The following EEF1D variants were observed in gnomAD, a reference collection of about 807,000 sequenced individuals.
The protein encoded by EEF1D is elongation factor 1-delta.
Under a neutral mutation model 63.9 loss-of-function variants are expected in EEF1D, and 47 were observed. The observed-to-expected ratio is 0.74, with a 90% confidence interval of 0.58 to 0.94. The LOEUF is 0.94. Ranked by LOEUF, EEF1D falls within the 40% of genes least tolerant of loss-of-function variation. The probability of loss-of-function intolerance (pLI) is 0.00; values close to 1 mark genes in which losing one functional copy is unlikely to be tolerated. For synonymous variants in EEF1D, 412 were observed against 386.1 expected, an observed-to-expected ratio of 1.07 and a Z score of -0.79; for missense variants, 907 against 899.0, an observed-to-expected ratio of 1.01 and a Z score of -0.11.
intron 1 of EEF1D, among the ~76,000 whole-genome samples, chr8:143,594,834 CG>C (rs1828530808): frequency 6.6e-6 from 1 of 152,210 alleles, no homozygotes. Flanking sequence ...CCTGAGGAAG[CG>C]GGTCTTTAGG....
rs754708414 is a variant in EEF1D, at chr8:143,589,969, G to T, written c.113C>A (p.Ser38Tyr). Reference protein sequence around the residue: ...YEHEATQAAASAQQLPAEGPA... With the variant: ...YEHEATQAAAYAQQLPAEGPA... The stretch of plus-strand genomic sequence containing the variant: ...CCCCTCGGCTGGCAGCTGCTGGGCG[G>T]AGGCGGCCGCCTGTGTGGCCTCGTG... Residue 38 changes from serine to tyrosine, a missense_variant, in exon 3 of 10, where the codon TCC becomes TAC. Transcript: ENST00000618139. 1.9e-6 allele frequency: 3 copies of T among 1,598,998 alleles called. No individual in the cohort carries two copies. Among genetic ancestry groups the T allele is most frequent in the South Asian group, 1.1e-5 (1 of 91,034 alleles).
In EEF1D at chr8:143,589,043, A is replaced by ACAGGGAGG. The variant is rs1587185457; in HGVS notation, c.1031_1038dup (p.Ser347ProfsTer18). 6.2e-7 allele frequency: 1 copy of ACAGGGAGG among 1,605,366 alleles called. No homozygotes were observed. Among genetic ancestry groups the ACAGGGAGG allele is most frequent in the Non-Finnish European group, 8.5e-7 (1 of 1,179,562 alleles). ...CCAGACCGAGGACCGGGTCGGTGAG[A>ACAGGGAGG]CAGGGAGGCAGCTTCGAGGCACCAG... On this transcript the variant is annotated frameshift_variant, in exon 3 of 10. Coordinates refer to ENST00000618139, the MANE Select transcript of EEF1D (RefSeq NM_001130053.5). LOFTEE classifies it high-confidence loss of function.
intron 1 of EEF1D, chr8:143,596,671 A>T (rs982022302): frequency 2.6e-5 from 4 of 152,300 alleles, no homozygotes; most frequent in Non-Finnish European, 5.9e-5. Flanking sequence ...GCGGTCCTTC[A>T]TTCTGGAAAC....
chr8:143,594,041 C>T, intron 1 of EEF1D: 2 of 416,198 alleles, frequency 4.8e-6, no homozygotes, highest in Non-Finnish European at 6.5e-6. Context: ...CCCTTCGCTC[C>T]TGCAGTTTAT....
At chr8:143,593,602 C>G (rs1021045454) in intron 1 of EEF1D, among the ~76,000 whole-genome samples, 1 of 152,128 alleles carries the variant, frequency 6.6e-6, no homozygotes, top group Admixed American at 6.5e-5. Flanking sequence ...AACTGGGCAC[C>G]CTGCAGGGGT....
rs557348776 is a variant in EEF1D at position 143,589,438 on chromosome 8, G to A, written c.644C>T (p.Pro215Leu). 53 of 1,528,288 alleles carry A rather than the reference G, an allele frequency of 3.5e-5. No individual in the cohort carries two copies. The East Asian group carries it at 3.9e-4, about 11-fold the overall frequency. 94.7% of individuals were successfully genotyped at this position (1,528,288 alleles called of 1,614,324 possible). Reference protein sequence around the residue: ...VPDLAHQPSPPVNGQPPLGSL... With the variant: ...VPDLAHQPSPLVNGQPPLGSL... ...GCCCAGCGGGGGCTGGCCATTGACC[G>A]GTGGGCTGGGCTGGTGGGCCAGGTC... is the stretch of plus-strand genomic sequence containing the variant. Residue 215 changes from proline to leucine, a missense_variant, in exon 3 of 10, where the codon CCG (proline) becomes CTG (leucine). Physicochemically the swap from Pro to Leu is moderately conservative, Grantham distance 98. Transcript: ENST00000618139.
intron 5 of EEF1D, chr8:143,582,665 C>A (rs1473894790): frequency 6.6e-6 from 1 of 152,248 alleles, no homozygotes; most frequent in East Asian, 1.9e-4. Flanking sequence ...CTGCCTGGCT[C>A]TGCGGGCCAC....
chr8:143,581,685 C>T (rs1197000398), intron 5 of EEF1D: 6 of 299,304 alleles, frequency 2.0e-5, no homozygotes, highest in Middle Eastern at 9.5e-4. Context: ...ACCTGGGACA[C>T]GCCTCAGGGG....
chr8:143,580,941 C>T, intron 7 of EEF1D, 113 bp downstream of exon 7: 1 of 1,299,676 alleles, frequency 7.7e-7, no homozygotes, highest in South Asian at 1.3e-5. Flanking sequence ...CTGAGGACTC[C>T]AGTATCCTGG....
rs746360746 is a variant in EEF1D, at chr8:143,588,990, C to T, written c.1091+1G>A. 1 of 1,595,098 alleles carries T rather than the reference C, an allele frequency of 6.3e-7. No individual in the cohort carries two copies. The highest frequency in any genetic ancestry group is 8.5e-7 in the Non-Finnish European group (1 of 1,178,856). ...GTGCCCACCCAGCACGTTTCTCCTA[C>T]TTGGGTCTCAGGCTGGACACGGACA... is the stretch of plus-strand genomic sequence containing the variant. On this transcript the variant is annotated splice_donor_variant, in intron 3 of 9. Transcript: ENST00000618139. LOFTEE classifies it high-confidence loss of function.
intron 1 of EEF1D, among the ~76,000 whole-genome samples, chr8:143,593,370 T>C (rs1404772102): frequency 6.6e-6 from 1 of 152,148 alleles, no homozygotes; most frequent in Non-Finnish European, 1.5e-5. Flanking sequence ...AGCCACCTCA[T>C]AAACCCTGCA....
intron 1 of EEF1D, among the ~76,000 whole-genome samples, chr8:143,593,432 G>A (rs1828299164): frequency 6.6e-6 from 1 of 152,210 alleles, no homozygotes; most frequent in African/African-American, 2.4e-5. Context: ...ACCAGCCCAT[G>A]TCCTGGGTGG....
Position 143,586,734 on chromosome 8 carries a change from G to C in EEF1D, c.1210C>G (p.Arg404Gly). ...GCCCCACGTGCAGCTCTCACCTGGC[G>C]GGAGGCACCTGCCACAGGCCCGTTC... ...QMNGPVAGAS[R>G]QENGASVILR... Residue 404 changes from arginine to glycine, a missense_variant, in exon 4 of 10, where the codon CGC becomes GGC. By Grantham distance (125) the Arg-to-Gly change is moderately radical. Transcript: ENST00000618139. 6.2e-7 allele frequency: 1 copy of C among 1,613,332 alleles called. No individual in the cohort carries two copies. Among genetic ancestry groups the C allele is most frequent in the South Asian group, 1.1e-5 (1 of 91,068 alleles).
chr8:143,590,255 A>C (rs971497848), intron 2 of EEF1D, 174 bp from the exon 3 acceptor site: 21 of 997,754 alleles, frequency 2.1e-5, no homozygotes, highest in Non-Finnish European at 3.0e-5. Context: ...AGGACTTCGA[A>C]GTCAAGCCCA....
At chr8:143,583,086 G>C (rs1403531889) in intron 5 of EEF1D, 1 of 152,272 alleles carries the variant, frequency 6.6e-6, no homozygotes, top group Non-Finnish European at 1.5e-5. Context: ...GGCCTTTGCA[G>C]AGGTAACTGT....
intron 1 of EEF1D, 94 bp from the exon 2 acceptor site, chr8:143,592,754 G>A: frequency 8.2e-6 from 8 of 971,302 alleles, no homozygotes; most frequent in Non-Finnish European, 8.6e-6. Context: ...GGGCGGCCGG[G>A]GGCCTTTCCA....
At chr8:143,591,619 C>T (rs765994395) in intron 2 of EEF1D, among the ~76,000 whole-genome samples, 6 of 152,260 alleles carry the variant, frequency 3.9e-5, no homozygotes, top group Non-Finnish European at 7.3e-5. Context: ...ACAGACACCG[C>T]TGCTAGTCTG....
At chr8:143,587,013 TCC>T in intron 3 of EEF1D, 161 bp from the exon 4 acceptor site, 1 of 909,916 alleles carries the variant, frequency 1.1e-6, no homozygotes, top group Non-Finnish European at 1.6e-6. Context: ...CCACATGGCA[TCC>T]CCAGGCCTGT....
rs1827667585 is a variant in EEF1D, at chr8:143,590,063, A to C, written c.19T>G (p.Ser7Ala). 1 of 1,598,576 alleles carries C rather than the reference A, an allele frequency of 6.3e-7. No homozygotes were observed. Residue 7 changes from serine to alanine, a missense_variant, in exon 3 of 10, where the codon TCC becomes GCC. Ser to Ala is a moderately conservative substitution (Grantham distance 99). Coordinates refer to ENST00000618139, the MANE Select transcript of EEF1D (RefSeq NM_001130053.5). MRSGKASCTLETVWEDK... is the reference protein window; with the variant it reads MRSGKAACTLETVWEDK... Reference sequence around the variant, plus strand: ...TCCCACACGGTCTCCAGGGTGCAGGAGGCCTTCCCGCTCCTCATCTTCCGG... The same window carrying C: ...TCCCACACGGTCTCCAGGGTGCAGGCGGCCTTCCCGCTCCTCATCTTCCGG...
Sources: allele counts gnomAD v4.1 joint callset (sites outside exome capture counted in the v4.1 genomes callset), GRCh38; gene constraint gnomAD v4.1.1; transcripts MANE v1.5; gene names NCBI Gene and HGNC (gene_info 2026-07-23, HGNC 2026-07-21).